HLA-DOA: variants seen among roughly 807,000 people sequenced by gnomAD.
HLA-DOA encodes major histocompatibility complex, class II, DO alpha.
A neutral mutation model predicts 22.9 loss-of-function variants in HLA-DOA; 27 were observed. The ratio of observed to expected loss-of-function variants is 1.18; its 90% confidence interval spans 0.87 to 1.62. The LOEUF is 1.62. Among genes scored for constraint, HLA-DOA ranks in the 40% most tolerant of loss-of-function variants. The pLI is 0.00. For missense variants in HLA-DOA, 324 were observed against 332.4 expected, an observed-to-expected ratio of 0.97 and a Z score of 0.20; for synonymous variants, 137 against 138.6, an observed-to-expected ratio of 0.99 and a Z score of 0.08.
chr6:33,008,070 T>C lies in HLA-DOA; in HGVS notation c.274A>G (p.Ile92Val). The change falls in exon 2 of 5, where the codon ATC becomes GTC. Residue 92 changes from isoleucine to valine, a missense_variant. By Grantham distance (29) the Ile-to-Val change is conservative. Coordinates refer to ENST00000229829, the MANE Select transcript of HLA-DOA (RefSeq NM_002119.4). ...PQGGLAGIAA[I>V]KAHLDILVER... ...ACCAGGATGTCCAGATGGGCTTTGATTGCGGCGATGCCGGCCAGCCCGCCC... is the reference window on the plus strand; with the variant it reads ...ACCAGGATGTCCAGATGGGCTTTGACTGCGGCGATGCCGGCCAGCCCGCCC... 5.0e-6 allele frequency: 8 copies of C among 1,613,080 alleles called. No homozygotes were observed. The highest frequency in any genetic ancestry group is 6.8e-6 in the Non-Finnish European group (8 of 1,180,036).
In HLA-DOA at chr6:33,008,150, C is replaced by G. The variant is rs570603984; in HGVS notation, c.194G>C (p.Ser65Thr). 2 of 1,613,076 alleles carry G rather than the reference C, an allele frequency of 1.2e-6. No individual in the cohort carries two copies. Among genetic ancestry groups the G allele is most frequent in the Admixed American group, 3.3e-5 (2 of 60,030 alleles). ...EQLFSVDLKK[S>T]EAVWRLPEFG... ...CTCAGGCAGACGCCACACGGCCTCG[C>G]TTTTCTTCAGGTCCACAGAGAACAG... is the stretch of plus-strand genomic sequence containing the variant. The change falls in exon 2 of 5, where the codon AGC becomes ACC. Residue 65 changes from serine to threonine, a missense_variant. Transcript: ENST00000229829.
At chr6:33,007,673 C>T (rs1417735749) in intron 2 of HLA-DOA, 81 bp from the exon 3 acceptor site, 53 of 1,473,476 alleles carry the variant, frequency 3.6e-5, no homozygotes, top group Admixed American at 8.3e-5. Context: ...GGACGTTCCC[C>T]CTTTGTAGCC....
In HLA-DOA at chr6:33,009,571, C is replaced by A; in HGVS notation, c.-35G>T. 1.3e-6 allele frequency: 2 copies of A among 1,514,724 alleles called. No homozygotes were observed. The highest frequency in any genetic ancestry group is 1.8e-6 in the Non-Finnish European group (2 of 1,116,900). 93.8% of individuals were successfully genotyped at this position (1,514,724 alleles called of 1,614,324 possible). A position where few individuals can be genotyped will look rare whatever the true frequency, so the allele number is the denominator to read the frequency against. On this transcript the variant is annotated 5_prime_UTR_variant, in exon 1 of 5. Transcript: ENST00000229829. The surrounding 1 kb of genome is among the most constrained non-coding windows in gnomAD (Gnocchi z 4.8). ...GTGCTTTAATCAAATCAGTCTCAGTCCGTGTGGTGAGGACAGGAACAAGGC... is the reference window on the plus strand; with the variant it reads ...GTGCTTTAATCAAATCAGTCTCAGTACGTGTGGTGAGGACAGGAACAAGGC...
intron 2 of HLA-DOA, 153 bp downstream of exon 2, chr6:33,007,859 TG>T: frequency 9.1e-7 from 1 of 1,096,028 alleles, no homozygotes; most frequent in Non-Finnish European, 1.3e-6. Context: ...CAAAGGGGTC[TG>T]GGAAGACCTG....
In HLA-DOA at chr6:33,007,522, G is replaced by T. The variant is rs965001798; in HGVS notation, c.402C>A (p.Ile134=). 6.2e-7 allele frequency: 1 copy of T among 1,613,032 alleles called. No individual in the cohort carries two copies. Among genetic ancestry groups the T allele is most frequent in the Admixed American group, 1.7e-5 (1 of 60,016 alleles). The part of the protein sequence containing the change: ...ELGQPNILIC[I]VDNIFPPVIN... ...TCACAGGGGGGAAGATGTTGTCCAC[G>T]ATGCAGATGAGGATGTTGGGCTGGC... Residue 134 remains isoleucine (I), a synonymous_variant, in exon 3 of 5, where the codon ATC becomes ATA. Transcript: ENST00000229829.
rs1373781282 is a variant in HLA-DOA at position 33,005,484 on chromosome 6, CCAT to C, written c.*1351_*1353del. 2 of 152,636 alleles carry C rather than the reference CCAT, an allele frequency of 1.3e-5. No homozygotes were observed. Among genetic ancestry groups the C allele is most frequent in the African/African-American group, 2.4e-5 (1 of 41,418 alleles). The allele number at this position is 152,636 out of a possible 1,614,324, so 9.5% of individuals were successfully genotyped here. ...TCCAGCCTGGTGACAGAGTGAGACC[CCAT>C]CTCAGAAAAGACAGCCTCCCTGTTG... On this transcript the variant is annotated 3_prime_UTR_variant, in exon 5 of 5. Transcript: ENST00000229829.
chr6:33,009,498 G>A lies in HLA-DOA; in HGVS notation c.39C>T (p.Thr13=). 6.2e-7 allele frequency: 1 copy of A among 1,607,052 alleles called. No individual in the cohort carries two copies. The highest frequency in any genetic ancestry group is 1.9e-4 in the Middle Eastern group (1 of 5,272). ...CCTGCGGGCTCAGGAGGGTCATCAG[G>A]GTGTGGAACCCCAGGACCAGCCCTG... is the stretch of plus-strand genomic sequence containing the variant. The part of the protein sequence containing the change: ...LRAGLVLGFH[T]LMTLLSPQEA... The change falls in exon 1 of 5, where the codon ACC becomes ACT. Residue 13 remains threonine, a synonymous_variant. Transcript: ENST00000229829. This position sits in a 1 kb window ranked among gnomAD's most constrained non-coding sequence, Gnocchi z 4.8.
At position 33,008,084 on chromosome 6, in the gene HLA-DOA, G is replaced by A; in HGVS notation, c.260C>T (p.Ala87Val). 6.2e-7 allele frequency: 1 copy of A among 1,613,030 alleles called. No individual in the cohort carries two copies. Among genetic ancestry groups the A allele is most frequent in the Non-Finnish European group, 8.5e-7 (1 of 1,180,014 alleles). ...FARFDPQGGL[A>V]GIAAIKAHLD... ...ATGGGCTTTGATTGCGGCGATGCCG[G>A]CCAGCCCGCCCTGCGGGTCAAAGCG... The change falls in exon 2 of 5, where the codon GCC becomes GTC. Residue 87 changes from alanine (A) to valine (V), a missense_variant. Coordinates refer to ENST00000229829, the MANE Select transcript of HLA-DOA (RefSeq NM_002119.4).
chr6:33,008,294 G>GAA (rs145896834), intron 1 of HLA-DOA, 33 bp from the exon 2 acceptor site: 2 of 1,596,670 alleles, frequency 1.3e-6, no homozygotes, highest in African/African-American at 2.7e-5. Flanking sequence ...CAAGGAGAGA[G>GAA]AAAAAAATGT....
chr6:33,006,834 A>T lies in HLA-DOA; in HGVS notation c.*4T>A. The T allele has an allele frequency of 6.2e-7, 1 of 1,612,068 alleles. No homozygotes were observed. Among genetic ancestry groups the T allele is most frequent in the Non-Finnish European group, 8.5e-7 (1 of 1,179,128 alleles). On this transcript the variant is annotated 3_prime_UTR_variant, in exon 5 of 5. Coordinates refer to ENST00000229829, the MANE Select transcript of HLA-DOA (RefSeq NM_002119.4). The stretch of plus-strand genomic sequence containing the variant: ...CCCACAAGTCATTTCTCTCAGAAGG[A>T]TCATTACCTAAAATAGCAGAAAACA...
In HLA-DOA at chr6:33,005,309, T is replaced by A. The variant is rs982217212; in HGVS notation, c.*1529A>T. ...GAGATGGAGGCCATCCTGGCCAACA[T>A]GATGAAACCCCGTCTCTACTTAAAA... is the stretch of plus-strand genomic sequence containing the variant. On this transcript the variant is annotated 3_prime_UTR_variant, in exon 5 of 5. Transcript: ENST00000229829. The A allele has an allele frequency of 1.8e-4, 28 of 152,266 alleles. No individual in the cohort carries two copies. The highest frequency in any genetic ancestry group is 5.8e-4 in the African/African-American group (24 of 41,442). 9.4% of individuals were successfully genotyped at this position (152,266 alleles called of 1,614,324 possible).
intron 2 of HLA-DOA, 154 bp from the exon 3 acceptor site, chr6:33,007,746 G>A: frequency 5.4e-6 from 5 of 922,484 alleles, no homozygotes; most frequent in Non-Finnish European, 8.0e-6. Flanking sequence ...AACAGAGGGA[G>A]AGGAGACTGG....
In HLA-DOA at chr6:33,004,325, T is replaced by G. The variant is rs1780727960; in HGVS notation, c.*2513A>C. The stretch of plus-strand genomic sequence containing the variant: ...GATTGTTGGGTACACACGTATCTTG[T>G]GATGTCTTCTGAGAACCAACTTATT... On this transcript the variant is annotated 3_prime_UTR_variant, in exon 5 of 5. Coordinates refer to ENST00000229829, the MANE Select transcript of HLA-DOA (RefSeq NM_002119.4). 6.6e-6 allele frequency: 1 copy of G among 152,186 alleles called. No individual in the cohort carries two copies. The highest frequency in any genetic ancestry group is 2.1e-4 in the South Asian group (1 of 4,826). 9.4% of individuals were successfully genotyped at this position (152,186 alleles called of 1,614,324 possible).
In HLA-DOA at chr6:33,006,675, A is replaced by G. The variant is rs1582982254; in HGVS notation, c.*163T>C. The G allele has an allele frequency of 3.8e-6, 4 of 1,045,396 alleles. No homozygotes were observed. The highest frequency in any genetic ancestry group is 5.9e-6 in the Non-Finnish European group (4 of 675,692). The allele number at this position is 1,045,396 out of a possible 1,614,324, so 64.8% of individuals were successfully genotyped here. ...TAGGTGTCCAACAAACCCTGCCATG[A>G]ATACTGGGGCCAAAAAAGAGGGGAC... On this transcript the variant is annotated 3_prime_UTR_variant, in exon 5 of 5. Transcript: ENST00000229829.
In HLA-DOA at chr6:33,007,524, T is replaced by A. The variant is rs1780871716; in HGVS notation, c.400A>T (p.Ile134Phe). Residue 134 changes from isoleucine (I) to phenylalanine (F), a missense_variant, in exon 3 of 5, where the codon ATC (isoleucine) becomes TTC (phenylalanine). Transcript: ENST00000229829. ...ELGQPNILIC[I>F]VDNIFPPVIN... ...ACAGGGGGGAAGATGTTGTCCACGA[T>A]GCAGATGAGGATGTTGGGCTGGCCC... The A allele has an allele frequency of 6.2e-7, 1 of 1,612,856 alleles. No homozygotes were observed. Among genetic ancestry groups the A allele is most frequent in the Non-Finnish European group, 8.5e-7 (1 of 1,179,986 alleles).
chr6:33,006,691 A>C lies in HLA-DOA; in HGVS notation c.*147T>G. 7.6e-7 allele frequency: 1 copy of C among 1,315,574 alleles called. No individual in the cohort carries two copies. The highest frequency in any genetic ancestry group is 1.7e-5 in the Admixed American group (1 of 58,410). 81.5% of individuals were successfully genotyped at this position (1,315,574 alleles called of 1,614,324 possible). ...CCTGCCATGAATACTGGGGCCAAAAAAGAGGGGACCCGTAGGACAGATGTT... is the reference window on the plus strand; with the variant it reads ...CCTGCCATGAATACTGGGGCCAAAACAGAGGGGACCCGTAGGACAGATGTT... On this transcript the variant is annotated 3_prime_UTR_variant, in exon 5 of 5. Coordinates refer to ENST00000229829, the MANE Select transcript of HLA-DOA (RefSeq NM_002119.4).
Position 33,007,089 on chromosome 6 carries a change from C to T in HLA-DOA, c.740G>A (p.Ser247Asn). 2 of 1,611,638 alleles carry T rather than the reference C, an allele frequency of 1.2e-6. No homozygotes were observed. The highest frequency in any genetic ancestry group is 2.2e-5 in the South Asian group (2 of 90,910). The change falls in exon 4 of 5, where the codon AGT becomes AAT. Residue 247 changes from serine to asparagine, a missense_variant. Coordinates refer to ENST00000229829, the MANE Select transcript of HLA-DOA (RefSeq NM_002119.4). Reference sequence around the variant, plus strand: ...CCCGGGGCCTCTGCACCTGGGGACACTGGACACATATGTGCCCATGATGAT... The same window carrying T: ...CCCGGGGCCTCTGCACCTGGGGACATTGGACACATATGTGCCCATGATGAT... ...VLIIMGTYVS[S>N]VPR
chr6:33,007,603 C>A lies in HLA-DOA; in HGVS notation c.332-11G>T. On this transcript the variant is annotated splice_polypyrimidine_tract_variant and intron_variant, in intron 2 of 4. Transcript: ENST00000229829. ...TCACCCGTGGAGGCACTAGGAGGAA[C>A]AGGCCCTGAGTCCACAGGCTCATCC... 1 of 1,606,330 alleles carries A rather than the reference C, an allele frequency of 6.2e-7. No homozygotes were observed. Among genetic ancestry groups the A allele is most frequent in the Non-Finnish European group, 8.5e-7 (1 of 1,176,782 alleles).
rs769161861 is a variant in HLA-DOA, at chr6:33,007,331, G to A, written c.593C>T (p.Ala198Val). Residue 198 changes from alanine to valine, a missense_variant, in exon 3 of 5, where the codon GCG (alanine) becomes GTG (valine). Physicochemically the swap from Ala to Val is moderately conservative, Grantham distance 64 (BLOSUM62 0). Coordinates refer to ENST00000229829, the MANE Select transcript of HLA-DOA (RefSeq NM_002119.4). ...DCQVEHWGLDAPLLRHWELQV... is the reference protein window; with the variant it reads ...DCQVEHWGLDVPLLRHWELQV... ...CGTACCCCAATGCCTGAGGAGTGGC[G>A]CATCCAGGCCCCAGTGCTCCACCTG... The A allele has an allele frequency of 1.1e-5, 17 of 1,612,198 alleles. No homozygotes were observed. Among genetic ancestry groups the A allele is most frequent in the Middle Eastern group, 3.3e-4 (2 of 6,072 alleles).
Sources: allele counts gnomAD v4.1 joint callset, GRCh38; gene constraint gnomAD v4.1.1; non-coding constraint Gnocchi (gnomAD v3.1); transcripts MANE v1.5; gene names NCBI Gene and HGNC (gene_info 2026-07-23, HGNC 2026-07-21).